ARHGEF26: variants seen among roughly 807,000 people sequenced by gnomAD.
ARHGEF26 encodes Rho guanine nucleotide exchange factor (GEF) 26.
In ARHGEF26, 59 loss-of-function variants were observed where a neutral mutation model predicts 89.4. The observed-to-expected ratio is 0.66, with a 90% confidence interval of 0.54 to 0.82. The LOEUF (loss-of-function observed/expected upper bound fraction) is 0.82. Among genes scored for constraint, ARHGEF26 ranks in the 40% least tolerant of loss-of-function variants. The pLI is 0.00. For missense variants in ARHGEF26, 1,234 were observed against 1,085.6 expected (o/e 1.14, Z -1.92); for synonymous variants, 500 against 428.4 (o/e 1.17, Z -2.06).
At chr3:154,124,347 C>G in intron 2 of ARHGEF26, 63 bp from the exon 3 acceptor site, 2 of 1,070,174 alleles carry the variant, frequency 1.9e-6, no homozygotes, top group Non-Finnish European at 2.6e-6. Flanking sequence ...TTCTATTTGG[C>G]TCATTCATAC....
At chr3:154,200,643 T>C (rs1375416774) in intron 9 of ARHGEF26, among the ~76,000 whole-genome samples, 1 of 151,834 alleles carries the variant, frequency 6.6e-6, no homozygotes, top group East Asian at 1.9e-4. Context: ...TAGAATTCTT[T>C]GGGTAGTATG....
intron 6 of ARHGEF26, among the ~76,000 whole-genome samples, chr3:154,164,122 T>C (rs1711839602): frequency 6.6e-6 from 1 of 152,170 alleles, no homozygotes; most frequent in Non-Finnish European, 1.5e-5. Flanking sequence ...GCAAGTCTTT[T>C]TTTAGGACTT....
intron 6 of ARHGEF26, among the ~76,000 whole-genome samples, chr3:154,153,939 A>G (rs944692270): frequency 6.6e-6 from 1 of 152,030 alleles, no homozygotes; most frequent in African/African-American, 2.4e-5. Context: ...TTATTTGTTG[A>G]AGAAATCCGG....
intron 4 of ARHGEF26, among the ~76,000 whole-genome samples, chr3:154,136,337 T>TTAATTAAAGTATTC (rs1347101467): frequency 1.7e-5 from 1 of 60,008 alleles, no homozygotes; most frequent in East Asian, 3.7e-4. Flanking sequence ...TTAAAGTATT[T>TTAATTAAAGTATTC]TTCAGCTCTG....
intron 6 of ARHGEF26, among the ~76,000 whole-genome samples, chr3:154,159,657 T>C (rs996897948): frequency 6.6e-6 from 1 of 152,144 alleles, no homozygotes; most frequent in Non-Finnish European, 1.5e-5. Flanking sequence ...TGAGTTCATA[T>C]TACCAAAAAA....
At chr3:154,153,103 A>C (rs549819789) in intron 6 of ARHGEF26, among the ~76,000 whole-genome samples, 171 bp downstream of exon 6, 1 of 152,170 alleles carries the variant, frequency 6.6e-6, no homozygotes, top group Admixed American at 6.5e-5. Context: ...GAATAGACAG[A>C]TGCTCAGTGT....
intron 10 of ARHGEF26, among the ~76,000 whole-genome samples, chr3:154,219,221 T>G (rs1286937400): frequency 6.6e-6 from 1 of 152,210 alleles, no homozygotes; most frequent in Non-Finnish European, 1.5e-5. Context: ...AATTTCCTCC[T>G]TTTGAAAGAT....
rs74965475 is a variant in ARHGEF26 at position 154,225,981 on chromosome 3, C to T, written c.2061C>T (p.Asn687=). The stretch of plus-strand genomic sequence containing the variant: ...AGCAAGTCTACTTCTTTCTCTTTAA[C>T]GATGTGCTCATTATCACCAAGAAGA... ...SKQQVYFFLF[N]DVLIITKKKS... The change falls in exon 11 of 15, where the codon AAC becomes AAT. Residue 687 remains asparagine, a synonymous_variant. Transcript: ENST00000465093. 9 of 1,612,280 alleles carry T rather than the reference C, an allele frequency of 5.6e-6. No homozygotes were observed. Among genetic ancestry groups the T allele is most frequent in the Admixed American group, 1.7e-5 (1 of 59,768 alleles).
chr3:154,256,299 T>C lies in ARHGEF26; in HGVS notation c.*826T>C. On this transcript the variant is annotated 3_prime_UTR_variant, in exon 15 of 15. Transcript: ENST00000465093. Reference sequence around the variant, plus strand: ...GTATAGTGGTGTGATCTTGGCCCACTGCAACCTCTGCTTCCTAGGTTCAAG... The same window carrying C: ...GTATAGTGGTGTGATCTTGGCCCACCGCAACCTCTGCTTCCTAGGTTCAAG... 1.0e-6 allele frequency: 1 copy of C among 962,344 alleles called. No homozygotes were observed. The highest frequency in any genetic ancestry group is 1.2e-6 in the Non-Finnish European group (1 of 809,178). 59.6% of individuals were successfully genotyped at this position (962,344 alleles called of 1,614,324 possible). A position where few individuals can be genotyped will look rare whatever the true frequency, so the allele number is the denominator to read the frequency against.
At chr3:154,160,877 A>G (rs922172045) in intron 6 of ARHGEF26, among the ~76,000 whole-genome samples, 1 of 152,094 alleles carries the variant, frequency 6.6e-6, no homozygotes, top group East Asian at 1.9e-4. Flanking sequence ...GTTTCATGCA[A>G]ATCTGTTTGA....
intron 6 of ARHGEF26, among the ~76,000 whole-genome samples, chr3:154,184,483 C>T (rs1476893817): frequency 6.6e-6 from 1 of 152,186 alleles, no homozygotes; most frequent in African/African-American, 2.4e-5. Context: ...TGGAGCTCTT[C>T]CTGCTGCTTC....
chr3:154,199,935 C>T (rs1314876357), intron 9 of ARHGEF26, among the ~76,000 whole-genome samples: 1 of 151,960 alleles, frequency 6.6e-6, no homozygotes, highest in Non-Finnish European at 1.5e-5. Context: ...GTTATTTGAG[C>T]TCCTTATGTA....
intron 10 of ARHGEF26, among the ~76,000 whole-genome samples, chr3:154,224,572 GGACCTACCCTGACACAAGGT>G (rs1716359656): frequency 6.6e-6 from 1 of 152,114 alleles, no homozygotes; most frequent in South Asian, 2.1e-4. Context: ...CCCTTCAGCC[GGACCTACCCTGACACAAGGT>G]GACCTCTTGT....
chr3:154,244,639 C>T (rs1216473633), intron 12 of ARHGEF26, among the ~76,000 whole-genome samples: 2 of 151,816 alleles, frequency 1.3e-5, no homozygotes, highest in African/African-American at 2.4e-5. Context: ...TATATGGTGA[C>T]CCTAATTATA....
intron 5 of ARHGEF26, 78 bp downstream of exon 5, chr3:154,149,523 T>C: frequency 8.2e-7 from 1 of 1,221,806 alleles, no homozygotes; most frequent in East Asian, 2.5e-5. Context: ...TTTCACTTAC[T>C]GTGTGCACTT....
intron 4 of ARHGEF26, among the ~76,000 whole-genome samples, chr3:154,144,532 A>G (rs991467): frequency 0.21 from 32,186 of 152,154 alleles, 4,439 homozygotes; most frequent in East Asian, 0.48. Flanking sequence ...ATGCACGTTT[A>G]TTTCCTAAAT....
chr3:154,223,114 T>C (rs903002184), intron 10 of ARHGEF26, among the ~76,000 whole-genome samples: 1 of 152,184 alleles, frequency 6.6e-6, no homozygotes, highest in Non-Finnish European at 1.5e-5. Context: ...TTTGACCTTA[T>C]GAATAAGCAC....
intron 12 of ARHGEF26, among the ~76,000 whole-genome samples, chr3:154,252,104 G>A (rs1452763093): frequency 1.3e-5 from 2 of 152,178 alleles, no homozygotes; most frequent in South Asian, 2.1e-4. Context: ...GGGTGACAGC[G>A]ACAAGCATCT....
At chr3:154,161,105 T>G (rs1461120488) in intron 6 of ARHGEF26, among the ~76,000 whole-genome samples, 2 of 3,624 alleles carry the variant, frequency 5.5e-4, no homozygotes, top group African/African-American at 1.3e-3. Context: ...CAGGTTTGTG[T>G]GTGTGTGTGT....
Sources: gnomAD v4.1 joint callset for allele counts (sites outside exome capture counted in the v4.1 genomes callset) on GRCh38, gnomAD v4.1.1 for gene constraint, MANE v1.5 for transcripts, NCBI Gene and HGNC (gene_info 2026-07-23, HGNC 2026-07-21) for gene names.